The following CACNA2D1 variants were observed in gnomAD, a reference collection of about 807,000 sequenced individuals.
CACNA2D1 encodes calcium voltage-gated channel auxiliary subunit alpha2delta 1, also known as voltage-dependent calcium channel subunit alpha-2/delta-1.
A neutral mutation model predicts 171.5 loss-of-function variants in CACNA2D1; 53 were observed. The observed-to-expected ratio is 0.31, with a 90% CI of 0.25 to 0.39. CACNA2D1 has a LOEUF of 0.39. CACNA2D1 is among the 10% of genes least tolerant of loss of function. The pLI, the probability that CACNA2D1 is intolerant of heterozygous loss-of-function variation, is 1.00. For synonymous variants in CACNA2D1, 442 were observed against 443.1 expected (o/e 1.00, Z 0.03); for missense variants, 903 against 1,299.8 (o/e 0.69, Z 4.69).
intron 10 of CACNA2D1, among the ~76,000 whole-genome samples, chr7:82,053,303 A>G (rs1201111890): frequency 6.6e-6 from 1 of 151,996 alleles, no homozygotes; most frequent in Non-Finnish European, 1.5e-5. Flanking sequence ...GATTAAATAG[A>G]AGGTTAATGC....
intron 3 of CACNA2D1, among the ~76,000 whole-genome samples, chr7:82,195,906 G>A (rs560609810): frequency 6.6e-6 from 1 of 152,172 alleles, no homozygotes; most frequent in East Asian, 1.9e-4. Context: ...GTGGGTGGGT[G>A]TAGAGAAATT....
At chr7:82,440,154 T>C (rs1044412067) in intron 1 of CACNA2D1, among the ~76,000 whole-genome samples, 2 of 152,000 alleles carry the variant, frequency 1.3e-5, no homozygotes, top group African/African-American at 2.4e-5. Context: ...ATTTATACCA[T>C]TGTACACTTT....
intron 1 of CACNA2D1, among the ~76,000 whole-genome samples, chr7:82,415,662 A>T (rs144899659): frequency 2.0e-5 from 3 of 152,130 alleles, no homozygotes; most frequent in South Asian, 2.1e-4. Context: ...GTGCCACATA[A>T]GACTTTGAAT....
At chr7:82,307,370 T>A (rs923239152) in intron 3 of CACNA2D1, among the ~76,000 whole-genome samples, 6 of 151,760 alleles carry the variant, frequency 4.0e-5, no homozygotes, top group African/African-American at 9.7e-5. Flanking sequence ...TTGGCCGGGC[T>A]GGTTCTGAAC....
intron 10 of CACNA2D1, among the ~76,000 whole-genome samples, chr7:82,048,994 C>T (rs538852021): frequency 5.9e-5 from 9 of 151,822 alleles, no homozygotes; most frequent in East Asian, 1.9e-4. Flanking sequence ...ACATATACGA[C>T]GAATTTCTAA....
At chr7:81,978,997 TA>T (rs5885260) in intron 24 of CACNA2D1, among the ~76,000 whole-genome samples, 112,834 of 151,402 alleles carry the variant, frequency 0.75, 42,139 homozygotes, top group African/African-American at 0.78. Context: ...CATTCAGCTA[TA>T]AAAAAAGTAC....
chr7:82,432,037 T>TAAAAAAAAAAA (rs34180150), intron 1 of CACNA2D1, among the ~76,000 whole-genome samples: 45 of 82,206 alleles, frequency 5.5e-4, no homozygotes, highest in Non-Finnish European at 6.9e-4. Flanking sequence ...GACTCTGTCT[T>TAAAAAAAAAAA]AAAAAAAAAA....
intron 6 of CACNA2D1, 127 bp downstream of exon 6, chr7:82,116,917 A>C (rs545807160): frequency 9.8e-7 from 1 of 1,019,922 alleles, no homozygotes; most frequent in South Asian, 1.3e-5. Context: ...ATCAGAGTTT[A>C]CCACAGACTC....
At chr7:82,418,884 C>T (rs1327341218) in intron 1 of CACNA2D1, among the ~76,000 whole-genome samples, 1 of 151,860 alleles carries the variant, frequency 6.6e-6, no homozygotes, top group African/African-American at 2.4e-5. Flanking sequence ...TTTGGGAGGC[C>T]GAGGCAGGCG....
intron 1 of CACNA2D1, among the ~76,000 whole-genome samples, chr7:82,427,427 T>C (rs540700623): frequency 2.6e-4 from 40 of 152,326 alleles, no homozygotes; most frequent in African/African-American, 9.1e-4. Context: ...TGAGCAATTA[T>C]GTGTTGGATA....
Position 82,050,494 on chromosome 7 carries a change from C to T in CACNA2D1, c.879+9934G>A, listed in dbSNP as rs1562924968. 5.9e-6 allele frequency: 4 copies of T among 683,668 alleles called. No homozygotes were observed. In the East Asian group the frequency reaches 8.1e-5, roughly 14 times the overall value. The allele number at this position is 683,668 out of a possible 1,614,324, so 42.4% of individuals were successfully genotyped here. A position where few individuals can be genotyped will look rare whatever the true frequency, so the allele number is the denominator to read the frequency against. On this transcript the variant is annotated intron_variant, in intron 10 of 38. Coordinates refer to ENST00000356860, the MANE Select transcript of CACNA2D1 (RefSeq NM_000722.4). ...GAGATGGGTTTCCAGCCAGGAGTCCCAAGATGAGGAAGTCCCTGATCTTAT... is the reference window on the plus strand; with the variant it reads ...GAGATGGGTTTCCAGCCAGGAGTCCTAAGATGAGGAAGTCCCTGATCTTAT...
At chr7:82,433,380 C>T (rs1410514155) in intron 1 of CACNA2D1, among the ~76,000 whole-genome samples, 1 of 152,070 alleles carries the variant, frequency 6.6e-6, no homozygotes, top group Non-Finnish European at 1.5e-5. Context: ...CCATTCCTCT[C>T]AAAATTTGAA....
In CACNA2D1 at chr7:82,136,744, T is replaced by C. The variant is rs867575820; in HGVS notation, c.355-68A>G. The C allele has an allele frequency of 1.7e-5, 17 of 1,006,790 alleles. No homozygotes were observed. In the Middle Eastern group the frequency reaches 1.7e-3, roughly 99 times the overall value. The allele number at this position is 1,006,790 out of a possible 1,614,324, so 62.4% of individuals were successfully genotyped here. ...ATACTGTATCAAATACTGAATACAT[T>C]TTATGCATATTATAAAATAAACTCC... On this transcript the variant is annotated intron_variant, in intron 4 of 38. Coordinates refer to ENST00000356860, the MANE Select transcript of CACNA2D1 (RefSeq NM_000722.4).
Position 81,971,790 on chromosome 7 carries a change from T to C in CACNA2D1, c.2128A>G (p.Lys710Glu), listed in dbSNP as rs1384261590. 1.3e-6 allele frequency: 2 copies of C among 1,585,644 alleles called. No homozygotes were observed. Among genetic ancestry groups the C allele is most frequent in the South Asian group, 2.2e-5 (2 of 90,246 alleles). Residue 710 changes from lysine to glutamate, a missense_variant, in exon 26 of 39, where the codon AAG (lysine) becomes GAG (glutamate). Transcript: ENST00000356860. ...TNELVQNYWSKQKNIKGVKAR... is the reference protein window; with the variant it reads ...TNELVQNYWSEQKNIKGVKAR... ...ACAAATACTTACATATTTTTCTGCT[T>C]ACTCCAGTAATTTTGGACAAGTTCA...
At chr7:82,386,423 A>G (rs1486493288) in intron 1 of CACNA2D1, among the ~76,000 whole-genome samples, 7 of 152,162 alleles carry the variant, frequency 4.6e-5, no homozygotes, top group Non-Finnish European at 1.0e-4. Context: ...TACTTATCAT[A>G]GCCTTCTAGA....
chr7:81,950,630 A>T (rs2129936250), intron 38 of CACNA2D1, 122 bp from the exon 39 acceptor site: 1 of 1,337,584 alleles, frequency 7.5e-7, no homozygotes, highest in Non-Finnish European at 1.0e-6. Context: ...TACCTTATAA[A>T]ACTGCTGTAA....
chr7:82,373,293 CTAAAATCAAAAATTCTT>C (rs1348417095), intron 1 of CACNA2D1, among the ~76,000 whole-genome samples: 1 of 152,122 alleles, frequency 6.6e-6, no homozygotes, highest in African/African-American at 2.4e-5. Flanking sequence ...ATTGAGGTTA[CTAAAATCAAAAATTCTT>C]TATTGTTTTT....
intron 36 of CACNA2D1, among the ~76,000 whole-genome samples, chr7:81,961,536 A>C (rs1794115227): frequency 6.6e-6 from 1 of 151,532 alleles, no homozygotes; most frequent in Non-Finnish European, 1.5e-5. Flanking sequence ...ATATTTAATA[A>C]CTTTATATTA....
chr7:82,419,375 C>G (rs1182860473), intron 1 of CACNA2D1, among the ~76,000 whole-genome samples: 1 of 152,180 alleles, frequency 6.6e-6, no homozygotes, highest in Non-Finnish European at 1.5e-5. Flanking sequence ...TCCAGCCTTC[C>G]TGATATCTAC....
Sources: gnomAD v4.1 joint callset for allele counts (sites outside exome capture counted in the v4.1 genomes callset) on GRCh38, gnomAD v4.1.1 for gene constraint, MANE v1.5 for transcripts, NCBI Gene and HGNC (gene_info 2026-07-23, HGNC 2026-07-21) for gene names.